RYR2: variants seen among roughly 807,000 people sequenced by gnomAD.
The protein encoded by RYR2 is cardiac muscle ryanodine receptor-calcium release channel.
RYR2 carries 227 observed loss-of-function variants against 601.1 expected under a neutral mutation model. The observed-to-expected ratio is 0.38, with a 90% CI of 0.34 to 0.42. The LOEUF is 0.42. Ranked by LOEUF, RYR2 falls within the 10% of genes least tolerant of loss-of-function variation. The pLI is 1.00. For synonymous variants in RYR2, 2,223 were observed against 2,175.1 expected (o/e 1.02, Z -0.61); for missense variants, 4,646 against 6,156.5 (o/e 0.75, Z 8.21).
chr1:237,688,303 G>A (rs1335995863), intron 63 of RYR2, among the ~76,000 whole-genome samples: 1 of 152,068 alleles, frequency 6.6e-6, no homozygotes, highest in East Asian at 1.9e-4. Flanking sequence ...TGAATGTATT[G>A]CTAGAGGTAT....
intron 52 of RYR2, among the ~76,000 whole-genome samples, chr1:237,655,291 T>C (rs928229788): frequency 9.2e-5 from 14 of 152,194 alleles, no homozygotes; most frequent in Admixed American, 3.9e-4. Context: ...GTCATTAATA[T>C]ATAAATAGCT....
intron 1 of RYR2, among the ~76,000 whole-genome samples, chr1:237,244,489 T>A (rs1686572968): frequency 6.6e-6 from 1 of 152,134 alleles, no homozygotes; most frequent in South Asian, 2.1e-4. Flanking sequence ...GTGGAAAGTC[T>A]ATTTGCATAA....
At chr1:237,607,929 A>G (rs1242014836) in intron 35 of RYR2, among the ~76,000 whole-genome samples, 1 of 152,216 alleles carries the variant, frequency 6.6e-6, no homozygotes, top group East Asian at 1.9e-4. Context: ...ATAACTAAAC[A>G]TCTTGAGCAG....
chr1:237,612,313 C>T lies in RYR2; in HGVS notation c.4910+1325C>T, dbSNP rs573026006. 1.3e-4 allele frequency among the ~76,000 whole-genome samples: 20 copies of T among 152,156 alleles called. No individual in the cohort carries two copies. The South Asian group carries it at 3.9e-3, about 30-fold the overall frequency. On this transcript the variant is annotated intron_variant, in intron 36 of 104. Transcript: ENST00000366574. ...AGGACTGCTAATGGGTACTAAATTC[C>T]TTTTGGGATGATAAAAGTGTTCTAA...
At chr1:237,251,126 T>A (rs1421737374) in intron 1 of RYR2, among the ~76,000 whole-genome samples, 1 of 152,120 alleles carries the variant, frequency 6.6e-6, no homozygotes, top group Non-Finnish European at 1.5e-5. Context: ...TTTGTCTGTT[T>A]CGATCTTTCC....
intron 24 of RYR2, among the ~76,000 whole-genome samples, chr1:237,526,886 C>T (rs958630143): frequency 2.0e-5 from 3 of 152,154 alleles, no homozygotes; most frequent in African/African-American, 7.2e-5. Flanking sequence ...TTATCATAAA[C>T]TCTACCTAGG....
chr1:237,419,570 C>T (rs1448455150), intron 11 of RYR2, among the ~76,000 whole-genome samples: 1 of 152,102 alleles, frequency 6.6e-6, no homozygotes, highest in Non-Finnish European at 1.5e-5. Flanking sequence ...CTACTTGCTT[C>T]TCATAGTCCA....
In RYR2 at chr1:237,801,735, C is replaced by A. The variant is rs2790346; in HGVS notation, c.14091-121C>A. Reference sequence around the variant, plus strand: ...CTCCCTTGGCATCTGGGATAGAACTCGTTTCCCAAGAAGGTGTCCAAGTCT... The same window carrying A: ...CTCCCTTGGCATCTGGGATAGAACTAGTTTCCCAAGAAGGTGTCCAAGTCT... On this transcript the variant is annotated intron_variant, in intron 97 of 104. Coordinates refer to ENST00000366574, the MANE Select transcript of RYR2 (RefSeq NM_001035.3). 0.42 allele frequency: 222,376 copies of A among 530,586 alleles called. 48,547 individuals carry two copies. The highest frequency in any genetic ancestry group is 0.64 in the East Asian group (22,329 of 34,708). The allele number at this position is 530,586 out of a possible 1,614,324, so 32.9% of individuals were successfully genotyped here.
At chr1:237,252,285 G>A (rs752832856) in intron 1 of RYR2, among the ~76,000 whole-genome samples, 2 of 151,964 alleles carry the variant, frequency 1.3e-5, no homozygotes, top group African/African-American at 2.4e-5. Context: ...TCCTGGAGCC[G>A]ACTGAGACAT....
At chr1:237,498,957 C>T (rs1269975496) in intron 20 of RYR2, among the ~76,000 whole-genome samples, 1 of 151,946 alleles carries the variant, frequency 6.6e-6, no homozygotes, top group Non-Finnish European at 1.5e-5. Flanking sequence ...CTATTAAATG[C>T]TTTGCTGATT....
chr1:237,688,484 G>C (rs1686643051), intron 63 of RYR2, among the ~76,000 whole-genome samples: 1 of 151,850 alleles, frequency 6.6e-6, no homozygotes, highest in Non-Finnish European at 1.5e-5. Flanking sequence ...AGAAATAATA[G>C]TTTCTGGATA....
chr1:237,290,086 G>A (rs372608110), intron 2 of RYR2, among the ~76,000 whole-genome samples: 12 of 152,100 alleles, frequency 7.9e-5, no homozygotes, highest in Admixed American at 2.0e-4. Flanking sequence ...TCTTGTACTC[G>A]TATGTTTGGG....
At chr1:237,436,043 A>G (rs1444691383) in intron 12 of RYR2, among the ~76,000 whole-genome samples, 10 of 152,116 alleles carry the variant, frequency 6.6e-5, no homozygotes, top group Non-Finnish European at 1.5e-4. Flanking sequence ...AGTCCCATGG[A>G]AACTAGCTGT....
At chr1:237,505,659 G>A (rs1665146764) in intron 22 of RYR2, among the ~76,000 whole-genome samples, 1 of 152,138 alleles carries the variant, frequency 6.6e-6, no homozygotes, top group Non-Finnish European at 1.5e-5. Context: ...AGAAACTTAA[G>A]GATTACCTGA....
At chr1:237,115,728 G>A (rs778179165) in intron 1 of RYR2, among the ~76,000 whole-genome samples, 8 of 152,100 alleles carry the variant, frequency 5.3e-5, no homozygotes, top group Non-Finnish European at 1.0e-4. Flanking sequence ...AAACTTGTAG[G>A]CCTTAGTTCT....
At chr1:237,399,377 A>C (rs1480362311) in intron 10 of RYR2, among the ~76,000 whole-genome samples, 1 of 152,124 alleles carries the variant, frequency 6.6e-6, no homozygotes, top group African/African-American at 2.4e-5. Flanking sequence ...GATGTTAGGG[A>C]AACAGGGGAG....
intron 16 of RYR2, among the ~76,000 whole-genome samples, chr1:237,467,858 C>CTT (rs199646421): frequency 0.034 from 4,184 of 123,582 alleles, 88 homozygotes; most frequent in Non-Finnish European, 0.055. Context: ...ATTTTCTCTG[C>CTT]TTTTTTTTTT....
chr1:237,280,333 T>G (rs1444813569), intron 2 of RYR2, among the ~76,000 whole-genome samples: 1 of 152,196 alleles, frequency 6.6e-6, no homozygotes, highest in Admixed American at 6.5e-5. Context: ...CTCTAAAAAT[T>G]AATTGAAATA....
intron 15 of RYR2, 98 bp downstream of exon 15, chr1:237,454,672 T>G (rs1395040024): frequency 1.6e-6 from 2 of 1,213,996 alleles, no homozygotes; most frequent in East Asian, 5.1e-5. Flanking sequence ...CATCTTTGCG[T>G]TTTGCAATAT....
Sources: allele counts gnomAD v4.1 joint callset (sites outside exome capture counted in the v4.1 genomes callset), GRCh38; gene constraint gnomAD v4.1.1; transcripts MANE v1.5; gene names NCBI Gene and HGNC (gene_info 2026-07-23, HGNC 2026-07-21).